Variants in COL16A1 observed in about 807,000 individuals in gnomAD.
The protein encoded by COL16A1 is collagen type XVI alpha 1 chain.
In COL16A1, 189 loss-of-function variants were observed where a neutral mutation model predicts 266.3. The observed-to-expected ratio is 0.71, with a 90% CI of 0.63 to 0.80. COL16A1 has a LOEUF of 0.80. COL16A1 is among the 30% of genes least tolerant of loss of function. The pLI, the probability that COL16A1 is intolerant of heterozygous loss-of-function variation, is 0.00. For missense variants in COL16A1, 1,928 were observed against 2,122.4 expected (o/e 0.91, Z 1.80); for synonymous variants, 740 against 782.3 (o/e 0.95, Z 0.90).
At position 31,661,706 on chromosome 1, in the gene COL16A1, T is replaced by G; in HGVS notation, c.3682-2A>C. ...GGGGCCAGCAGGACCAGGGTCCCCC[T>G]AGGGAAAGAGACGAGGAGGATTGAG... On this transcript the variant is annotated splice_acceptor_variant, in intron 58 of 70. Transcript: ENST00000373672. LOFTEE classifies it high-confidence loss of function. The G allele has an allele frequency of 6.3e-7, 1 of 1,596,520 alleles. No individual in the cohort carries two copies.
At chr1:31,696,452 G>A (rs569485090) in intron 8 of COL16A1, among the ~76,000 whole-genome samples, 10 of 152,326 alleles carry the variant, frequency 6.6e-5, no homozygotes, top group Admixed American at 5.2e-4. Context: ...AGGGGGTGGG[G>A]CTAAAGGAGG....
chr1:31,691,841 G>A (rs986718684), intron 17 of COL16A1, among the ~76,000 whole-genome samples, 164 bp downstream of exon 17: 5 of 152,036 alleles, frequency 3.3e-5, no homozygotes, highest in African/African-American at 1.2e-4. Flanking sequence ...GAGGGGGCCT[G>A]GGCTCAGGTC....
chr1:31,656,179 T>C lies in COL16A1; in HGVS notation c.4101+221A>G. 2.9e-6 allele frequency: 2 copies of C among 682,918 alleles called. No individual in the cohort carries two copies. The highest frequency in any genetic ancestry group is 4.9e-6 in the Non-Finnish European group (2 of 407,544). 42.3% of individuals were successfully genotyped at this position (682,918 alleles called of 1,614,324 possible). On this transcript the variant is annotated intron_variant, in intron 66 of 70. Coordinates refer to ENST00000373672, the MANE Select transcript of COL16A1 (RefSeq NM_001856.4). The surrounding 1 kb of genome is among the most constrained non-coding windows in gnomAD (Gnocchi z 4.2). ...TGGAAACAATGAATGAATCAATCAG[T>C]CAATCAGTGAGTAAATGAACTGGAG...
intron 42 of COL16A1, among the ~76,000 whole-genome samples, chr1:31,677,074 T>A (rs1643250143): frequency 1.5e-5 from 2 of 133,242 alleles, no homozygotes; most frequent in African/African-American, 5.3e-5. Flanking sequence ...TGTCAATTAT[T>A]ATTTTTTATT....
At chr1:31,701,362 A>G (rs1557703991) in intron 2 of COL16A1, 2 of 985,382 alleles carry the variant, frequency 2.0e-6, no homozygotes. Context: ...ATGTGCACAT[A>G]CAAGGGGCAG....
rs750640734 is a variant in COL16A1, at chr1:31,674,989, T to C, written c.2859+18A>G. 11 of 1,610,884 alleles carry C rather than the reference T, an allele frequency of 6.8e-6. No individual in the cohort carries two copies. Among genetic ancestry groups the C allele is most frequent in the African/African-American group, 5.3e-5 (4 of 74,886 alleles). On this transcript the variant is annotated intron_variant, in intron 44 of 70. Transcript: ENST00000373672. ...ACACCCCCGCCAGCTCACACTTCCC[T>C]CCTGGGTACCCTCTTACCTTAAGGA...
Position 31,683,029 on chromosome 1 carries a change from CAG to C in COL16A1, c.2470-29_2470-28del. The C allele has an allele frequency of 1.9e-6, 3 of 1,613,788 alleles. No homozygotes were observed. The East Asian group carries it at 6.7e-5, about 36-fold the overall frequency. On this transcript the variant is annotated intron_variant, in intron 36 of 70. Transcript: ENST00000373672. ...TGTGTAAGAGAAGGTACAAAGGTCT[CAG>C]GGGCAGAATTGGAAGCCAGCTACAA...
intron 37 of COL16A1, 112 bp from the exon 38 acceptor site, chr1:31,681,179 A>C: frequency 7.0e-7 from 1 of 1,428,910 alleles, no homozygotes; most frequent in Non-Finnish European, 9.2e-7. Context: ...GTTCCCCTGG[A>C]GCCCAGGGCC....
intron 26 of COL16A1, among the ~76,000 whole-genome samples, chr1:31,686,930 G>A (rs1322203728): frequency 6.6e-6 from 1 of 152,228 alleles, no homozygotes; most frequent in East Asian, 1.9e-4. Context: ...CTAAAGCAGA[G>A]TAAACCCGAA....
At chr1:31,691,946 C>T in intron 17 of COL16A1, 59 bp downstream of exon 17, 1 of 1,611,244 alleles carries the variant, frequency 6.2e-7, no homozygotes, top group East Asian at 2.2e-5. Context: ...AAGGTTAAAT[C>T]CCAGCATTCT....
intron 44 of COL16A1, among the ~76,000 whole-genome samples, 175 bp downstream of exon 44, chr1:31,674,832 G>T (rs1643041206): frequency 1.3e-5 from 2 of 152,164 alleles, no homozygotes; most frequent in Admixed American, 6.5e-5. Context: ...TGTTGCCTGG[G>T]GGCCTGTTAC....
rs551467305 is a variant in COL16A1 at position 31,655,301 on chromosome 1, C to A, written c.4290+13G>T. 1.7e-5 allele frequency: 28 copies of A among 1,610,124 alleles called. No individual in the cohort carries two copies. In the South Asian group the frequency reaches 3.1e-4, roughly 18 times the overall value. On this transcript the variant is annotated intron_variant, in intron 67 of 70. Transcript: ENST00000373672. ...ATGGGACAGTGCCCACAGCTGCCAG[C>A]CTTCCCCCTTACCATGGAGCCAGGC...
intron 31 of COL16A1, 35 bp from the exon 32 acceptor site, chr1:31,684,266 G>C: frequency 6.9e-7 from 1 of 1,454,744 alleles, no homozygotes; most frequent in East Asian, 2.5e-5. Context: ...GAGCCCATGA[G>C]CCGGGGCTGG....
rs1642809118 is a variant in COL16A1, at chr1:31,672,496, T to C, written c.3025A>G (p.Asn1009Asp). The change falls in exon 47 of 71, where the codon AAC becomes GAC. Residue 1009 changes from asparagine to aspartate, a missense_variant. By Grantham distance (23) the Asn-to-Asp change is conservative. Around this residue, in one of 2 missense-constraint regions of COL16A1, gnomAD observed 1,552 missense variants for 1,637.2 expected, o/e 0.95. Transcript: ENST00000373672. ...RPRAEEARGD[N>D]SEGDPGCVGS... ...ACACAGCCAGGATCTCCCTCACTGT[T>C]GTCACCCTGGAGAAGGATGGAGACG... The C allele has an allele frequency of 6.2e-7, 1 of 1,613,980 alleles. No individual in the cohort carries two copies. The highest frequency in any genetic ancestry group is 1.3e-5 in the African/African-American group (1 of 74,894).
In COL16A1 at chr1:31,698,688, G is replaced by A; in HGVS notation, c.267-82C>T. On this transcript the variant is annotated intron_variant, in intron 4 of 70. Coordinates refer to ENST00000373672, the MANE Select transcript of COL16A1 (RefSeq NM_001856.4). The surrounding 1 kb of genome is among the most constrained non-coding windows in gnomAD (Gnocchi z 4.1). ...CACCCTGAGCCCTCAGGACTGCTGA[G>A]CCTACCCAAGACATCCACAGGCACA... is the stretch of plus-strand genomic sequence containing the variant. The A allele has an allele frequency of 3.2e-6, 5 of 1,564,234 alleles. No individual in the cohort carries two copies. Among genetic ancestry groups the A allele is most frequent in the Non-Finnish European group, 4.3e-6 (5 of 1,159,708 alleles).
chr1:31,653,500 G>A (rs995636435), intron 70 of COL16A1, 99 bp downstream of exon 70: 116 of 1,383,086 alleles, frequency 8.4e-5, no homozygotes, highest in East Asian at 9.6e-5. Flanking sequence ...CTGGCCTGTC[G>A]TTATTTGGAG....
rs1228201104 is a variant in COL16A1, at chr1:31,684,201, G to A, written c.2191C>T (p.Gln731Ter). 2 of 1,518,666 alleles carry A rather than the reference G, an allele frequency of 1.3e-6. No individual in the cohort carries two copies. The highest frequency in any genetic ancestry group is 1.8e-6 in the Non-Finnish European group (2 of 1,130,392). The allele number at this position is 1,518,666 out of a possible 1,614,324, so 94.1% of individuals were successfully genotyped here. The change falls in exon 32 of 71, where the codon CAG becomes TAG. Residue 731 changes from glutamine to a stop codon, truncating the protein, a stop_gained. Coordinates refer to ENST00000373672, the MANE Select transcript of COL16A1 (RefSeq NM_001856.4). LOFTEE classifies it high-confidence loss of function. ...GDGCTACPSL[Q>*]GTVTDMAGRP... ...CCTGCCATGTCTGTCACTGTCCCCT[G>A]CAGGCTGGGGCAGGCAGTGCAGCCA...
chr1:31,661,243 C>T, intron 60 of COL16A1, 124 bp from the exon 61 acceptor site: 1 of 1,474,984 alleles, frequency 6.8e-7, no homozygotes, highest in Non-Finnish European at 9.2e-7. Flanking sequence ...CTCTGATGCC[C>T]TCCAGCTGGT....
Position 31,690,674 on chromosome 1 carries a change from C to T in COL16A1, c.1438-101G>A, listed in dbSNP as rs189227001. ...TGCCCCTCTGTGATGGCAGAACAATCGTTGCCAAATCTCTTGTTGCCATTT... is the reference window on the plus strand; with the variant it reads ...TGCCCCTCTGTGATGGCAGAACAATTGTTGCCAAATCTCTTGTTGCCATTT... On this transcript the variant is annotated intron_variant, in intron 20 of 70. Coordinates refer to ENST00000373672, the MANE Select transcript of COL16A1 (RefSeq NM_001856.4). 75 of 1,511,428 alleles carry T rather than the reference C, an allele frequency of 5.0e-5. No homozygotes were observed. In the African/African-American group the frequency reaches 6.2e-4, roughly 13 times the overall value. 93.6% of individuals were successfully genotyped at this position (1,511,428 alleles called of 1,614,324 possible). A position where few individuals can be genotyped will look rare whatever the true frequency, so the allele number is the denominator to read the frequency against.
Sources: gnomAD v4.1 joint callset for allele counts (sites outside exome capture counted in the v4.1 genomes callset) on GRCh38, gnomAD v4.1.1 for gene constraint, gnomAD v4.1.1 regional missense constraint, Gnocchi (gnomAD v3.1) non-coding constraint, MANE v1.5 for transcripts, NCBI Gene and HGNC (gene_info 2026-07-23, HGNC 2026-07-21) for gene names.